PROS1: variants seen among roughly 807,000 people sequenced by gnomAD.
PROS1 encodes the protein vitamin K-dependent protein S.
PROS1 carries 29 observed loss-of-function variants against 75.9 expected under a neutral mutation model. The observed-to-expected ratio is 0.38, with a 90% CI of 0.28 to 0.52. PROS1 has a LOEUF of 0.52. PROS1 is among the 20% of genes least tolerant of loss of function. The pLI, the probability that PROS1 is intolerant of heterozygous loss-of-function variation, is 0.83. For synonymous variants in PROS1, 245 were observed against 280.6 expected (o/e 0.87, Z 1.27); for missense variants, 680 against 810.3 (o/e 0.84, Z 1.95).
chr3:93,898,243 T>C (rs1386053489), intron 8 of PROS1, among the ~76,000 whole-genome samples: 1 of 152,112 alleles, frequency 6.6e-6, no homozygotes, highest in Non-Finnish European at 1.5e-5. Context: ...TACCCTCTTT[T>C]TTTTAAACCC....
At chr3:93,938,214 C>T (rs747876570) in intron 1 of PROS1, among the ~76,000 whole-genome samples, 1 of 152,172 alleles carries the variant, frequency 6.6e-6, no homozygotes, top group African/African-American at 2.4e-5. Flanking sequence ...TCTCCTGGCT[C>T]AGCAGCTCCC....
At chr3:93,939,465 C>A (rs1709245380) in intron 1 of PROS1, among the ~76,000 whole-genome samples, 1 of 152,078 alleles carries the variant, frequency 6.6e-6, no homozygotes, top group Non-Finnish European at 1.5e-5. Context: ...CAGGCTGAAT[C>A]AGGCTCCAAT....
chr3:93,934,283 T>G, intron 1 of PROS1, among the ~76,000 whole-genome samples: 1 of 152,240 alleles, frequency 6.6e-6, no homozygotes, highest in East Asian at 1.9e-4. Context: ...ACATTAACTA[T>G]AAAATACTTC....
At chr3:93,918,545 C>A (rs1294676277) in intron 3 of PROS1, among the ~76,000 whole-genome samples, 1 of 152,146 alleles carries the variant, frequency 6.6e-6, no homozygotes, top group Non-Finnish European at 1.5e-5. Context: ...AAGGAAGAAA[C>A]TCCGAACATC....
intron 1 of PROS1, among the ~76,000 whole-genome samples, chr3:93,955,094 G>A (rs1709576192): frequency 6.6e-6 from 1 of 152,220 alleles, no homozygotes; most frequent in Admixed American, 6.5e-5. Context: ...TGGAGAGGAT[G>A]TGGAGAAATA....
chr3:93,905,758 T>C (rs1319867630), intron 6 of PROS1, 26 bp downstream of exon 6: 1 of 1,606,988 alleles, frequency 6.2e-7, no homozygotes, highest in South Asian at 1.1e-5. Flanking sequence ...AGTAAATGTG[T>C]TTTAATTCTA....
intron 1 of PROS1, among the ~76,000 whole-genome samples, chr3:93,930,264 T>C (rs923072320): frequency 6.6e-6 from 1 of 152,240 alleles, no homozygotes; most frequent in African/African-American, 2.4e-5. Context: ...TATTGACTTA[T>C]CAATGACAGT....
chr3:93,927,715 G>C (rs1709041272), intron 1 of PROS1, among the ~76,000 whole-genome samples: 1 of 151,294 alleles, frequency 6.6e-6, no homozygotes, highest in African/African-American at 2.4e-5. Context: ...GAGAAAACAT[G>C]CTGAGGCCAG....
At chr3:93,912,284 A>C (rs1489476251) in intron 3 of PROS1, among the ~76,000 whole-genome samples, 1 of 152,070 alleles carries the variant, frequency 6.6e-6, no homozygotes, top group East Asian at 1.9e-4. Flanking sequence ...TACTGACTCT[A>C]ATCTCCTGCC....
intron 1 of PROS1, among the ~76,000 whole-genome samples, chr3:93,953,481 C>T (rs1479827012): frequency 6.6e-6 from 1 of 151,704 alleles, no homozygotes; most frequent in African/African-American, 2.4e-5. Context: ...ACAAAAACCA[C>T]GATTATATCA....
intron 1 of PROS1, among the ~76,000 whole-genome samples, chr3:93,971,776 C>T (rs1709886121): frequency 6.6e-6 from 1 of 151,942 alleles, no homozygotes; most frequent in Non-Finnish European, 1.5e-5. Context: ...TGCACTCCAG[C>T]CTTAGTGACA....
In PROS1 at chr3:93,887,349, G is replaced by A. The variant is rs186018349; in HGVS notation, c.1156-846C>T. ...AAAAAATACATAAAATTAAATTGGA[G>A]TTTTCCAATTTTGAGAGTTGTTTGG... On this transcript the variant is annotated intron_variant, in intron 10 of 14. Coordinates refer to ENST00000394236, the MANE Select transcript of PROS1 (RefSeq NM_000313.4). Among the ~76,000 whole-genome samples, 4 of 152,294 alleles carry A rather than the reference G, an allele frequency of 2.6e-5. No individual in the cohort carries two copies. In the East Asian group the frequency reaches 5.8e-4, roughly 22 times the overall value.
intron 3 of PROS1, among the ~76,000 whole-genome samples, chr3:93,919,306 G>A (rs1395867706): frequency 1.3e-5 from 2 of 152,192 alleles, no homozygotes; most frequent in Non-Finnish European, 1.5e-5. Flanking sequence ...ATTTTTGGCA[G>A]ACTAATAGGT....
intron 2 of PROS1, among the ~76,000 whole-genome samples, 185 bp from the exon 3 acceptor site, chr3:93,924,449 A>G (rs1708987344): frequency 6.6e-6 from 1 of 152,164 alleles, no homozygotes; most frequent in Non-Finnish European, 1.5e-5. Context: ...AGCCAGTAAG[A>G]TACTTAGGCT....
chr3:93,884,965 G>A (rs966617592), intron 11 of PROS1, 69 bp from the exon 12 acceptor site: 150 of 1,299,528 alleles, frequency 1.2e-4, no homozygotes, highest in Non-Finnish European at 1.5e-4. Context: ...ATGAGTATAG[G>A]TTTTCATTAA....
chr3:93,928,011 ATTTTTTT>A, intron 1 of PROS1, among the ~76,000 whole-genome samples: 1 of 44,456 alleles, frequency 2.2e-5, no homozygotes, highest in East Asian at 7.2e-4. Context: ...ATATATATAT[ATTTTTTT>A]TTTTTTTTTT....
At chr3:93,969,579 G>A (rs1709843420) in intron 1 of PROS1, among the ~76,000 whole-genome samples, 4 of 152,126 alleles carry the variant, frequency 2.6e-5, no homozygotes, top group African/African-American at 7.2e-5. Flanking sequence ...GAGACACATA[G>A]GACTGGAAGA....
chr3:93,908,526 G>A (rs1708710087), intron 4 of PROS1, among the ~76,000 whole-genome samples: 1 of 152,092 alleles, frequency 6.6e-6, no homozygotes, highest in Non-Finnish European at 1.5e-5. Context: ...GAGAAAGAGA[G>A]ATAGAGGAAA....
Position 93,920,587 on chromosome 3 carries a change from A to G in PROS1, c.259+3653T>C, listed in dbSNP as rs144627541. 8.5e-5 allele frequency among the ~76,000 whole-genome samples: 13 copies of G among 152,192 alleles called. No homozygotes were observed. The East Asian group carries it at 2.5e-3, about 29-fold the overall frequency. Reference sequence around the variant, plus strand: ...GGATTCTATTTTTTTCCAGTATTATATCTATTAAAAGTAATGACAGGAATA... The same window carrying G: ...GGATTCTATTTTTTTCCAGTATTATGTCTATTAAAAGTAATGACAGGAATA... On this transcript the variant is annotated intron_variant, in intron 3 of 14. Transcript: ENST00000394236.
Sources: allele counts gnomAD v4.1 joint callset (sites outside exome capture counted in the v4.1 genomes callset), GRCh38; gene constraint gnomAD v4.1.1; transcripts MANE v1.5; gene names NCBI Gene and HGNC (gene_info 2026-07-23, HGNC 2026-07-21).